Variants in BLMH observed in about 807,000 individuals in gnomAD.
BLMH encodes BLM hydrolase.
BLMH carries 32 observed loss-of-function variants against 61.6 expected under a neutral mutation model. That is an observed-to-expected ratio of 0.52 (90% CI 0.39 to 0.70). BLMH has a LOEUF of 0.70. BLMH is among the 30% of genes least tolerant of loss of function. The pLI, the probability that BLMH is intolerant of heterozygous loss-of-function variation, is 0.00. For synonymous variants in BLMH, 183 were observed against 193.8 expected, an observed-to-expected ratio of 0.94 and a Z score of 0.46; for missense variants, 460 against 555.5, an observed-to-expected ratio of 0.83 and a Z score of 1.73.
intron 4 of BLMH, 115 bp downstream of exon 4, chr17:30,287,689 ATC>A: frequency 8.4e-7 from 1 of 1,196,666 alleles, no homozygotes; most frequent in South Asian, 1.6e-5. Context: ...ATAACTATAT[ATC>A]CTTCTTGGAG....
intron 5 of BLMH, among the ~76,000 whole-genome samples, chr17:30,286,442 G>A (rs1298208881): frequency 2.6e-5 from 4 of 152,188 alleles, no homozygotes; most frequent in Non-Finnish European, 5.9e-5. Flanking sequence ...GGAATCTTGC[G>A]AATAGCTCTT....
At chr17:30,291,620 G>T in intron 1 of BLMH, 112 bp from the exon 2 acceptor site, 1 of 1,449,932 alleles carries the variant, frequency 6.9e-7, no homozygotes, top group Non-Finnish European at 9.3e-7. Context: ...GCCCGCTGCA[G>T]CGGGGAAACC....
chr17:30,263,413 C>G (rs1046843092), intron 11 of BLMH, among the ~76,000 whole-genome samples: 1 of 152,092 alleles, frequency 6.6e-6, no homozygotes, highest in South Asian at 2.1e-4. Flanking sequence ...AGTCTGTTCC[C>G]TCACCTAATT....
chr17:30,262,721 G>A (rs1907990591), intron 11 of BLMH, among the ~76,000 whole-genome samples: 1 of 152,166 alleles, frequency 6.6e-6, no homozygotes, highest in Non-Finnish European at 1.5e-5. Flanking sequence ...CGTGAACCTG[G>A]GAGGCGAAGC....
At chr17:30,266,523 CAAAAAAAA>C (rs770078465) in intron 11 of BLMH, among the ~76,000 whole-genome samples, 1 of 53,080 alleles carries the variant, frequency 1.9e-5, no homozygotes, top group African/African-American at 5.7e-5. Context: ...AGACTCTGTC[CAAAAAAAA>C]AAAAAAAGAA....
At chr17:30,287,683 CTATA>C in intron 4 of BLMH, 119 bp downstream of exon 4, 1 of 1,140,872 alleles carries the variant, frequency 8.8e-7, no homozygotes, top group Non-Finnish European at 1.2e-6. Flanking sequence ...TTAGAAATAA[CTATA>C]TATCCTTCTT....
chr17:30,272,733 ATACCAACCT>A lies in BLMH; in HGVS notation c.959_960+7del. The A allele has an allele frequency of 6.2e-7, 1 of 1,614,192 alleles. No homozygotes were observed. The highest frequency in any genetic ancestry group is 8.5e-7 in the Non-Finnish European group (1 of 1,180,022). ...CCCCAATGTGCAAAATACAGAAACA[ATACCAACCT>A]CTCCATCTTTGATGGAGGCAGCAAC... On this transcript the variant is annotated splice_donor_variant and splice_donor_5th_base_variant and coding_sequence_variant and intron_variant, in exon 8 of 12. Coordinates refer to ENST00000261714, the MANE Select transcript of BLMH (RefSeq NM_000386.4). LOFTEE classifies it high-confidence loss of function.
chr17:30,266,994 A>G (rs1272983656), intron 10 of BLMH, 40 bp from the exon 11 acceptor site: 1 of 1,586,112 alleles, frequency 6.3e-7, no homozygotes, highest in Non-Finnish European at 8.7e-7. Flanking sequence ...CTGAAGCCAG[A>G]TTCTCCCTGC....
In BLMH at chr17:30,257,985, G is replaced by A. The variant is rs190468245; in HGVS notation, c.1217-8817C>T. On this transcript the variant is annotated intron_variant, in intron 11 of 11. Coordinates refer to ENST00000261714, the MANE Select transcript of BLMH (RefSeq NM_000386.4). The stretch of plus-strand genomic sequence containing the variant: ...TATTTTTGTTGGGTCCATTTATAAT[G>A]TATTTTGTATCTTTTATTTATTTAT... Among the ~76,000 whole-genome samples, 6 of 152,198 alleles carry A rather than the reference G, an allele frequency of 3.9e-5. No homozygotes were observed. In the East Asian group the frequency reaches 7.7e-4, roughly 20 times the overall value.
In BLMH at chr17:30,287,919, G is replaced by A; in HGVS notation, c.350C>T (p.Ala117Val). 10 of 1,613,786 alleles carry A rather than the reference G, an allele frequency of 6.2e-6. No homozygotes were observed. The highest frequency in any genetic ancestry group is 8.5e-6 in the Non-Finnish European group (10 of 1,179,838). The change falls in exon 4 of 12, where the codon GCT becomes GTT. Residue 117 changes from alanine (A) to valine (V), a missense_variant. This residue lies in a region of BLMH where 43 missense variants were observed against 38.8 expected (regional missense o/e 1.11). Transcript: ENST00000261714. ...KVERCYFFLS[A>V]FVDTAQRKEP... is the part of the protein sequence containing the mutation. ...CTTTCTCTGGGCTGTGTCCACAAAA[G>A]CACTCAAGAAGAAATAACAGCGTTC...
chr17:30,266,032 AC>A (rs1278001586), intron 11 of BLMH, among the ~76,000 whole-genome samples: 1 of 152,160 alleles, frequency 6.6e-6, no homozygotes, highest in African/African-American at 2.4e-5. Flanking sequence ...TGTTTAGTCT[AC>A]TTAGTGTAAG....
intron 6 of BLMH, among the ~76,000 whole-genome samples, chr17:30,284,249 C>T (rs865952210): frequency 5.3e-5 from 8 of 152,206 alleles, no homozygotes; most frequent in African/African-American, 1.9e-4. Flanking sequence ...GCTATTGTGC[C>T]AAGCACTAGG....
In BLMH at chr17:30,289,439, T is replaced by C. The variant is rs550168297; in HGVS notation, c.255A>G (p.Pro85=). The C allele has an allele frequency of 7.1e-5, 115 of 1,612,746 alleles. 2 individuals are homozygous for C. In the South Asian group the frequency reaches 1.2e-3, roughly 16 times the overall value. Residue 85 remains proline, a synonymous_variant, in exon 3 of 12, where the codon CCA becomes CCG. Coordinates refer to ENST00000261714, the MANE Select transcript of BLMH (RefSeq NM_000386.4). ...CTTCAATATTTAACTTTTTCATGAA[T>C]GGAAGCCTCATAACATTCAGACAAG... ...IFSCLNVMRL[P]FMKKLNIEEF... is the part of the protein sequence containing the mutation.
chr17:30,286,891 C>G lies in BLMH; in HGVS notation c.475G>C (p.Val159Leu), dbSNP rs573591955. 1 of 1,583,706 alleles carries G rather than the reference C, an allele frequency of 6.3e-7. No individual in the cohort carries two copies. Among genetic ancestry groups the G allele is most frequent in the African/African-American group, 1.3e-5 (1 of 74,202 alleles). The change falls in exon 5 of 12, where the codon GTT (valine) becomes CTT (leucine). Residue 159 changes from valine (V) to leucine (L), a missense_variant. Val to Leu is a conservative substitution (Grantham distance 32). Transcript: ENST00000261714. ...MLVNIVEKYG[V>L]IPKKCFPESY... ...TCAGGGAAGCATTTCTTAGGGATAA[C>G]ACCATATTTTTCTAAAAGAAAACAA...
intron 6 of BLMH, among the ~76,000 whole-genome samples, chr17:30,284,983 C>G (rs923275393): frequency 6.6e-6 from 1 of 152,196 alleles, no homozygotes; most frequent in Non-Finnish European, 1.5e-5. Context: ...TCACTCCCTC[C>G]TCTATGACCA....
rs1349706433 is a variant in BLMH at position 30,262,293 on chromosome 17, A to T, written c.1216+4592T>A. 4.6e-5 allele frequency among the ~76,000 whole-genome samples: 7 copies of T among 152,208 alleles called. No homozygotes were observed. The East Asian group carries it at 1.3e-3, about 29-fold the overall frequency. On this transcript the variant is annotated intron_variant, in intron 11 of 11. Coordinates refer to ENST00000261714, the MANE Select transcript of BLMH (RefSeq NM_000386.4). The stretch of plus-strand genomic sequence containing the variant: ...ATACAATCTCATAACTAAGTGAACC[A>T]ATCACAAAGAAGTAAAGTTTCATAG...
At position 30,289,414 on chromosome 17, in the gene BLMH, C is replaced by T. The variant is rs767235807; in HGVS notation, c.280G>A (p.Glu94Lys). The change falls in exon 3 of 12, where the codon GAA (glutamate) becomes AAA (lysine). Residue 94 changes from glutamate (E) to lysine (K), a missense_variant. Glu to Lys is a moderately conservative substitution (Grantham distance 56). Coordinates refer to ENST00000261714, the MANE Select transcript of BLMH (RefSeq NM_000386.4). Reference sequence around the variant, plus strand: ...AGGTAAGATTGGCTAAACTCAAATTCTTCAATATTTAACTTTTTCATGAAT... The same window carrying T: ...AGGTAAGATTGGCTAAACTCAAATTTTTCAATATTTAACTTTTTCATGAAT... ...LPFMKKLNIEEFEFSQSYLFF... is the reference protein window; with the variant it reads ...LPFMKKLNIEKFEFSQSYLFF... 1 of 1,612,100 alleles carries T rather than the reference C, an allele frequency of 6.2e-7. No individual in the cohort carries two copies. The highest frequency in any genetic ancestry group is 8.5e-7 in the Non-Finnish European group (1 of 1,178,800).
intron 11 of BLMH, among the ~76,000 whole-genome samples, chr17:30,261,008 T>G (rs1259015656): frequency 6.6e-6 from 1 of 152,164 alleles, no homozygotes; most frequent in African/African-American, 2.4e-5. Context: ...AAAACAAATT[T>G]GCAACTTGCC....
chr17:30,274,960 C>T (rs1908377034), intron 6 of BLMH, among the ~76,000 whole-genome samples: 1 of 149,444 alleles, frequency 6.7e-6, no homozygotes, highest in Non-Finnish European at 1.5e-5. Flanking sequence ...GCCTGGGTGA[C>T]AGAGCAAGAC....
Sources: gnomAD v4.1 joint callset for allele counts (sites outside exome capture counted in the v4.1 genomes callset) on GRCh38, gnomAD v4.1.1 for gene constraint, gnomAD v4.1.1 regional missense constraint, MANE v1.5 for transcripts, NCBI Gene and HGNC (gene_info 2026-07-23, HGNC 2026-07-21) for gene names.